STX7: variants seen among roughly 807,000 people sequenced by gnomAD.
The protein encoded by STX7 is syntaxin 7, also known as syntaxin-7.
Under a neutral mutation model 39.6 loss-of-function variants are expected in STX7, and 34 were observed. The observed-to-expected ratio is 0.86, with a 90% CI of 0.65 to 1.14. STX7 has a LOEUF of 1.14. Among genes scored for constraint, STX7 ranks in the 50% most tolerant of loss-of-function variants. The probability of loss-of-function intolerance (pLI) is 0.00; values close to 1 mark genes in which losing one functional copy is unlikely to be tolerated. For missense variants in STX7, 284 were observed against 310.4 expected (o/e 0.92, Z 0.64); for synonymous variants, 119 against 99.1 (o/e 1.20, Z -1.19).
At chr6:132,489,000 G>A (rs1484115051) in intron 2 of STX7, among the ~76,000 whole-genome samples, 1 of 151,922 alleles carries the variant, frequency 6.6e-6, no homozygotes, top group African/African-American at 2.4e-5. Flanking sequence ...CCAGGAGTTC[G>A]AGACCAACCT....
chr6:132,467,128 T>C (rs141993481), intron 8 of STX7, among the ~76,000 whole-genome samples: 3 of 152,182 alleles, frequency 2.0e-5, no homozygotes, highest in African/African-American at 7.2e-5. Flanking sequence ...ATAGCACTCT[T>C]CTGCTCAACT....
At chr6:132,509,508 A>G (rs879556758) in intron 1 of STX7, among the ~76,000 whole-genome samples, 1 of 136,656 alleles carries the variant, frequency 7.3e-6, no homozygotes, top group African/African-American at 2.7e-5. Context: ...ATAACATAAC[A>G]TAACATAAAA....
At chr6:132,503,260 T>C (rs959331983) in intron 2 of STX7, among the ~76,000 whole-genome samples, 186 bp downstream of exon 2, 1 of 152,224 alleles carries the variant, frequency 6.6e-6, no homozygotes, top group African/African-American at 2.4e-5. Context: ...TATAGAAAAA[T>C]GCAGTAAGTG....
intron 2 of STX7, among the ~76,000 whole-genome samples, chr6:132,483,917 C>T (rs768520944): frequency 6.6e-6 from 1 of 152,146 alleles, no homozygotes; most frequent in African/African-American, 2.4e-5. Context: ...ACTTCATTAT[C>T]TAGCCTTAGG....
intron 2 of STX7, among the ~76,000 whole-genome samples, chr6:132,476,628 A>G (rs1338205877): frequency 6.6e-6 from 1 of 152,172 alleles, no homozygotes; most frequent in East Asian, 1.9e-4. Flanking sequence ...ACATTAAACA[A>G]AAGTTGAAAA....
At chr6:132,504,561 T>C (rs541540127) in intron 1 of STX7, among the ~76,000 whole-genome samples, 1 of 152,222 alleles carries the variant, frequency 6.6e-6, no homozygotes. Context: ...ACTGCAAAAT[T>C]GTTGGTGGTC....
intron 1 of STX7, among the ~76,000 whole-genome samples, chr6:132,506,279 C>G (rs1775704363): frequency 6.6e-6 from 1 of 151,984 alleles, no homozygotes; most frequent in Non-Finnish European, 1.5e-5. Flanking sequence ...AGCTTTTGCA[C>G]AGCAAAAGAA....
chr6:132,480,631 T>C (rs1427749474), intron 2 of STX7, among the ~76,000 whole-genome samples: 2 of 152,138 alleles, frequency 1.3e-5, no homozygotes, highest in Non-Finnish European at 2.9e-5. Flanking sequence ...GGAGATGAAC[T>C]GGAGGGGGCC....
intron 1 of STX7, among the ~76,000 whole-genome samples, chr6:132,504,995 G>A (rs1394946445): frequency 1.3e-5 from 2 of 152,210 alleles, no homozygotes; most frequent in Admixed American, 6.5e-5. Flanking sequence ...TGGATCAGAT[G>A]ATTCACAGCT....
rs1774140375 is a variant in STX7, at chr6:132,451,751, C to T, written c.*9007G>A. 1 of 152,070 alleles carries T rather than the reference C, an allele frequency of 6.6e-6. No homozygotes were observed. The highest frequency in any genetic ancestry group is 1.5e-5 in the Non-Finnish European group (1 of 67,994). 9.4% of individuals were successfully genotyped at this position (152,070 alleles called of 1,614,324 possible). A position where few individuals can be genotyped will look rare whatever the true frequency, so the allele number is the denominator to read the frequency against. ...ATATGAAATAGATAAATTAAACAGC[C>T]ATATAACTATTGTAAAAGTGGAAAT... On this transcript the variant is annotated 3_prime_UTR_variant, in exon 10 of 10. Coordinates refer to ENST00000367941, the MANE Select transcript of STX7 (RefSeq NM_003569.3).
chr6:132,446,097 CA>C lies in STX7; in HGVS notation c.*14660del, dbSNP rs1037313979. Reference sequence around the variant, plus strand: ...ATATTGCAAAAGCTTTGCCCTCCTGCAAGAACATGCAGTTTCCCAAACAGTA... The same window carrying C: ...ATATTGCAAAAGCTTTGCCCTCCTGCAGAACATGCAGTTTCCCAAACAGTA... On this transcript the variant is annotated 3_prime_UTR_variant, in exon 10 of 10. Transcript: ENST00000367941. 6.6e-6 allele frequency: 1 copy of C among 152,196 alleles called. No homozygotes were observed. Among genetic ancestry groups the C allele is most frequent in the African/African-American group, 2.4e-5 (1 of 41,454 alleles). 9.4% of individuals were successfully genotyped at this position (152,196 alleles called of 1,614,324 possible).
intron 1 of STX7, among the ~76,000 whole-genome samples, chr6:132,507,721 T>C (rs1378103394): frequency 6.6e-6 from 1 of 152,244 alleles, no homozygotes; most frequent in Non-Finnish European, 1.5e-5. Flanking sequence ...AATTTTCTCT[T>C]GGTTCAATGA....
chr6:132,482,352 T>C (rs1415944239), intron 2 of STX7, among the ~76,000 whole-genome samples: 1 of 152,148 alleles, frequency 6.6e-6, no homozygotes, highest in Non-Finnish European at 1.5e-5. Flanking sequence ...AAAGGCATCA[T>C]CTGATCAGGT....
chr6:132,463,757 A>G (rs1774482451), intron 9 of STX7, among the ~76,000 whole-genome samples: 1 of 152,224 alleles, frequency 6.6e-6, no homozygotes, highest in African/African-American at 2.4e-5. Context: ...CCGCCCAAAC[A>G]CTAAACTTTC....
Position 132,458,163 on chromosome 6 carries a change from G to C in STX7, c.*2595C>G, listed in dbSNP as rs1348736694. The C allele has an allele frequency of 6.6e-6, 1 of 152,202 alleles. No homozygotes were observed. The highest frequency in any genetic ancestry group is 1.9e-4 in the East Asian group (1 of 5,196). 9.4% of individuals were successfully genotyped at this position (152,202 alleles called of 1,614,324 possible). ...TACAATTTTTAACAAAAGCAGTGAA[G>C]ACACTAAATAACCCAGTGGCGACCT... is the stretch of plus-strand genomic sequence containing the variant. On this transcript the variant is annotated 3_prime_UTR_variant, in exon 10 of 10. Coordinates refer to ENST00000367941, the MANE Select transcript of STX7 (RefSeq NM_003569.3).
At chr6:132,507,331 G>GT (rs1775729129) in intron 1 of STX7, among the ~76,000 whole-genome samples, 1 of 152,058 alleles carries the variant, frequency 6.6e-6, no homozygotes, top group Non-Finnish European at 1.5e-5. Context: ...ATTGAGATAT[G>GT]GCAATACAAT....
chr6:132,489,336 G>A (rs758061426), intron 2 of STX7, among the ~76,000 whole-genome samples: 42 of 151,842 alleles, frequency 2.8e-4, no homozygotes, highest in African/African-American at 6.8e-4. Flanking sequence ...ATCCAGGTTC[G>A]TTATAGGGTA....
At position 132,500,964 on chromosome 6, in the gene STX7, A is replaced by G. The variant is rs144671420; in HGVS notation, c.85+2482T>C. On this transcript the variant is annotated intron_variant, in intron 2 of 9. Transcript: ENST00000367941. ...CTTCCGTACATTTGTGGAGGCCCCT[A>G]TGTTCATGCAGGACATATGGCTTCT... Among the ~76,000 whole-genome samples, 650 of 152,094 alleles carry G rather than the reference A, an allele frequency of 4.3e-3. 9 individuals carry two copies. Among genetic ancestry groups the G allele is most frequent in the African/African-American group, 0.015 (610 of 41,478 alleles).
rs548374194 is a variant in STX7 at position 132,505,751 on chromosome 6, A to C, written c.-58-2163T>G. 7.1e-3 allele frequency among the ~76,000 whole-genome samples: 1,052 copies of C among 148,728 alleles called. 8 individuals carry two copies. The highest frequency in any genetic ancestry group is 0.013 in the Non-Finnish European group (855 of 67,230). ...TCTCCAAGTCACTTAAAAAAAAAAA[A>C]AAAAAAAAAAAAACACAGGTTTTGA... is the stretch of plus-strand genomic sequence containing the variant. On this transcript the variant is annotated intron_variant, in intron 1 of 9. Coordinates refer to ENST00000367941, the MANE Select transcript of STX7 (RefSeq NM_003569.3).
Sources: gnomAD v4.1 joint callset for allele counts (sites outside exome capture counted in the v4.1 genomes callset) on GRCh38, gnomAD v4.1.1 for gene constraint, MANE v1.5 for transcripts, NCBI Gene and HGNC (gene_info 2026-07-23, HGNC 2026-07-21) for gene names.